NPHP4: variants seen among roughly 807,000 people sequenced by gnomAD.
NPHP4 encodes nephrocystin-4.
NPHP4 carries 151 observed loss-of-function variants against 155.8 expected under a neutral mutation model. The observed-to-expected ratio is 0.97, with a 90% CI of 0.85 to 1.11. The LOEUF is 1.11. NPHP4 is among the 50% of genes least tolerant of loss of function. The probability of loss-of-function intolerance (pLI) is 0.00; values close to 1 mark genes in which losing one functional copy is unlikely to be tolerated. For missense variants in NPHP4, 1,956 were observed against 1,925.7 expected (o/e 1.02, Z -0.29); for synonymous variants, 845 against 816.8 (o/e 1.03, Z -0.59).
At chr1:5,868,581 CATACAT>C (rs1050516197) in intron 23 of NPHP4, among the ~76,000 whole-genome samples, 2 of 150,582 alleles carry the variant, frequency 1.3e-5, no homozygotes, top group Non-Finnish European at 1.5e-5. Flanking sequence ...TACACATACA[CATACAT>C]GCACACCCAC....
intron 12 of NPHP4, among the ~76,000 whole-genome samples, chr1:5,908,902 G>A (rs942170308): frequency 6.6e-6 from 1 of 152,178 alleles, no homozygotes; most frequent in Non-Finnish European, 1.5e-5. Context: ...AGGGAGATGT[G>A]GAGACGCCCC....
rs993280899 is a variant in NPHP4, at chr1:5,880,116, C to T, written c.2609G>A (p.Arg870Lys). 1 of 1,613,782 alleles carries T rather than the reference C, an allele frequency of 6.2e-7. No homozygotes were observed. The highest frequency in any genetic ancestry group is 1.7e-5 in the Admixed American group (1 of 60,008). ...GGSLLTTGSS[R>K]RKHVVQAQKL... ...TGGGCCCAACAGTGTAAACTCACGC[C>T]TTGAGCTTCCAGTCGTGAGGAGGCT... The change falls in exon 19 of 30, where the codon AGG becomes AAG. Residue 870 changes from arginine to lysine, a missense_variant and splice_region_variant. Physicochemically the swap from Arg to Lys is conservative, Grantham distance 26. Coordinates refer to ENST00000378156, the MANE Select transcript of NPHP4 (RefSeq NM_015102.5).
intron 19 of NPHP4, chr1:5,879,424 A>G: frequency 2.2e-6 from 1 of 445,336 alleles, no homozygotes; most frequent in South Asian, 1.7e-5. Flanking sequence ...TCCTCTCCAA[A>G]CCAGGTCTTT....
At chr1:5,925,131 A>T (rs988117836) in intron 11 of NPHP4, among the ~76,000 whole-genome samples, 6 of 152,248 alleles carry the variant, frequency 3.9e-5, no homozygotes, top group Non-Finnish European at 7.3e-5. Flanking sequence ...ATCAGAGTAC[A>T]GAGTGGATCC....
At chr1:5,958,689 T>C (rs917660790) in intron 6 of NPHP4, among the ~76,000 whole-genome samples, 6 of 138,378 alleles carry the variant, frequency 4.3e-5, no homozygotes, top group Admixed American at 2.1e-4. Context: ...AGCAAGACTG[T>C]CTCAAAAAAA....
At chr1:5,991,828 G>C (rs760728370) in intron 1 of NPHP4, among the ~76,000 whole-genome samples, 1 of 151,552 alleles carries the variant, frequency 6.6e-6, no homozygotes, top group East Asian at 2.0e-4. Flanking sequence ...CGCGGACTCC[G>C]GCCTGGGAAG....
rs753373132 is a variant in NPHP4 at position 5,887,412 on chromosome 1, C to T, written c.2359G>A (p.Val787Met). ...TTGTCCTGCTCGTATTCAGTTGCCA[C>T]GACCTCAAGCTCGTGGGAGGCCTGC... ...AVQASHELEV[V>M]ATEYEQDNMV... Residue 787 changes from valine to methionine, a missense_variant, in exon 18 of 30, where the codon GTG (valine) becomes ATG (methionine). Physicochemically the swap from Val to Met is conservative, Grantham distance 21. Transcript: ENST00000378156. 2.5e-6 allele frequency: 4 copies of T among 1,613,240 alleles called. No individual in the cohort carries two copies. Among genetic ancestry groups the T allele is most frequent in the Admixed American group, 1.7e-5 (1 of 60,008 alleles).
chr1:5,900,356 T>C (rs1168162591), intron 16 of NPHP4, among the ~76,000 whole-genome samples: 2 of 152,116 alleles, frequency 1.3e-5, no homozygotes, highest in Non-Finnish European at 2.9e-5. Flanking sequence ...GGCACATACG[T>C]GCAATGAAGT....
chr1:5,957,318 C>T lies in NPHP4; in HGVS notation c.673+4476G>A, dbSNP rs146596927. 5.8e-3 allele frequency among the ~76,000 whole-genome samples: 890 copies of T among 152,330 alleles called. 5 individuals are homozygous for T. The highest frequency in any genetic ancestry group is 0.01 in the Non-Finnish European group (714 of 68,032). ...AGCAAACCCTTCACAAGCAAGAACC[C>T]CCTTCCCACTGACATACAGTGGAGA... is the stretch of plus-strand genomic sequence containing the variant. On this transcript the variant is annotated intron_variant, in intron 6 of 29. Coordinates refer to ENST00000378156, the MANE Select transcript of NPHP4 (RefSeq NM_015102.5).
intron 16 of NPHP4, among the ~76,000 whole-genome samples, chr1:5,893,634 G>A (rs1227057607): frequency 1.3e-5 from 2 of 152,260 alleles, no homozygotes; most frequent in East Asian, 3.8e-4. Flanking sequence ...ATCACAGGGA[G>A]ACGGTTAGGC....
chr1:5,874,839 G>A, intron 21 of NPHP4, 35 bp downstream of exon 21: 2 of 1,595,696 alleles, frequency 1.3e-6, no homozygotes, highest in Non-Finnish European at 1.7e-6. Flanking sequence ...ACACAGATCT[G>A]GGCTGGGGCA....
chr1:5,871,755 G>C (rs2100570580), intron 23 of NPHP4, among the ~76,000 whole-genome samples: 1 of 152,324 alleles, frequency 6.6e-6, no homozygotes, highest in East Asian at 1.9e-4. Context: ...TCCAGAGGCG[G>C]AGCACCCCAG....
chr1:5,877,024 G>T, intron 20 of NPHP4, 69 bp downstream of exon 20: 3 of 1,041,974 alleles, frequency 2.9e-6, no homozygotes, highest in Non-Finnish European at 3.8e-6. Context: ...GGGAGGCAGG[G>T]AAAGGATGTG....
At chr1:5,887,505 C>T in intron 17 of NPHP4, 39 bp from the exon 18 acceptor site, 1 of 1,602,320 alleles carries the variant, frequency 6.2e-7, no homozygotes, top group Non-Finnish European at 8.5e-7. Context: ...CTGGAGCCGG[C>T]CCTGGGCTGC....
chr1:5,876,089 G>A (rs891546434), intron 20 of NPHP4: 8 of 152,252 alleles, frequency 5.3e-5, no homozygotes, highest in Admixed American at 1.3e-4. Flanking sequence ...CTGGACGATG[G>A]GGCCAGACAT....
intron 23 of NPHP4, among the ~76,000 whole-genome samples, chr1:5,872,842 A>G (rs1040318475): frequency 2.0e-5 from 3 of 152,316 alleles, no homozygotes; most frequent in Non-Finnish European, 2.9e-5. Context: ...GCCTTACTAT[A>G]CGGCCTTCGC....
In NPHP4 at chr1:5,891,090, G is replaced by A. The variant is rs1350953853; in HGVS notation, c.2144-62C>T. ...GGAGTCATTCATCATCTTTACACTT[G>A]GAAGAGATTTCAGCTCTGGTCATGA... On this transcript the variant is annotated intron_variant, in intron 16 of 29. Transcript: ENST00000378156. 1.3e-5 allele frequency: 16 copies of A among 1,265,382 alleles called. No homozygotes were observed. The East Asian group carries it at 3.8e-4, about 30-fold the overall frequency. 78.4% of individuals were successfully genotyped at this position (1,265,382 alleles called of 1,614,324 possible). A position where few individuals can be genotyped will look rare whatever the true frequency, so the allele number is the denominator to read the frequency against.
rs550547107 is a variant in NPHP4, at chr1:5,890,880, G to A, written c.2292C>T (p.Ala764=). 1.9e-5 allele frequency: 30 copies of A among 1,609,840 alleles called. 1 individual carries two copies. Among genetic ancestry groups the A allele is most frequent in the Middle Eastern group, 3.3e-4 (2 of 6,046 alleles). Reference sequence around the variant, plus strand: ...AGAGAGCCGCTACCTTCATCTGGACGGCAGCAGATCCGATGAGCAGCAGGG... The same window carrying A: ...AGAGAGCCGCTACCTTCATCTGGACAGCAGCAGATCCGATGAGCAGCAGGG... ...GDSLLLIGSA[A]VQMKHLLRQG... is the part of the protein sequence containing the mutation. The change falls in exon 17 of 30, where the codon GCC becomes GCT. Residue 764 remains alanine (A), a synonymous_variant. Transcript: ENST00000378156. This position sits in a 1 kb window ranked among gnomAD's most constrained non-coding sequence, Gnocchi z 4.9.
chr1:5,959,113 T>C (rs982633630), intron 6 of NPHP4, among the ~76,000 whole-genome samples: 1 of 151,992 alleles, frequency 6.6e-6, no homozygotes. Context: ...GACCCTTACC[T>C]GGTGGAGTCA....
Sources: allele counts gnomAD v4.1 joint callset (sites outside exome capture counted in the v4.1 genomes callset), GRCh38; gene constraint gnomAD v4.1.1; non-coding constraint Gnocchi (gnomAD v3.1); transcripts MANE v1.5; gene names NCBI Gene and HGNC (gene_info 2026-07-23, HGNC 2026-07-21).